Variants in ZNF202 observed in about 807,000 individuals in gnomAD.
ZNF202 encodes the protein zinc finger protein 202, also known as zinc finger protein with KRAB and SCAN domains 10.
Under a neutral mutation model 54.5 loss-of-function variants are expected in ZNF202, and 22 were observed. The observed-to-expected ratio is 0.40, with a 90% CI of 0.29 to 0.58. ZNF202 has a LOEUF of 0.58. Among genes scored for constraint, ZNF202 ranks in the 20% least tolerant of loss-of-function variants. The pLI, the probability that ZNF202 is intolerant of heterozygous loss-of-function variation, is 0.39. For synonymous variants in ZNF202, 294 were observed against 301.4 expected (o/e 0.98, Z 0.26); for missense variants, 644 against 805.5 (o/e 0.80, Z 2.43).
At chr11:123,732,821 A>G (rs1861468563) in intron 3 of ZNF202, among the ~76,000 whole-genome samples, 2 of 152,130 alleles carry the variant, frequency 1.3e-5, no homozygotes, top group South Asian at 4.1e-4. Context: ...TGTTTCCTCC[A>G]TTATGCTTTT....
chr11:123,741,508 T>TCCAGCCCGGCCCGGC (rs1861869837), intron 1 of ZNF202, 41 bp downstream of exon 1: 1 of 151,948 alleles, frequency 6.6e-6, no homozygotes, highest in Non-Finnish European at 1.5e-5. Flanking sequence ...TCCGGCCCGG[T>TCCAGCCCGGCCCGGC]CCAGCCCGGC....
chr11:123,729,666 C>T lies in ZNF202; in HGVS notation c.562G>A (p.Ala188Thr), dbSNP rs201470149. The change falls in exon 5 of 9, where the codon GCA becomes ACA. Residue 188 changes from alanine to threonine, a missense_variant. Physicochemically the swap from Ala to Thr is moderately conservative, Grantham distance 58. Transcript: ENST00000530393. The stretch of plus-strand genomic sequence containing the variant: ...TCTTCCTGGTGTGGACGCTGCTCTG[C>T]CGGTGCCCCCAGATCTGGGCTCTGT... ...TTQSPDLGAP[A>T]EQRPHQEEEL... 5 of 1,611,398 alleles carry T rather than the reference C, an allele frequency of 3.1e-6. No individual in the cohort carries two copies. The highest frequency in any genetic ancestry group is 1.7e-4 in the Middle Eastern group (1 of 6,008).
At chr11:123,728,423 T>C (rs1216250066) in intron 6 of ZNF202, among the ~76,000 whole-genome samples, 161 bp from the exon 7 acceptor site, 1 of 152,068 alleles carries the variant, frequency 6.6e-6, no homozygotes, top group African/African-American at 2.4e-5. Context: ...GTGTCCCCTG[T>C]GGCACTGGCC....
chr11:123,732,093 G>A (rs1007173434), intron 3 of ZNF202, among the ~76,000 whole-genome samples: 1 of 152,150 alleles, frequency 6.6e-6, no homozygotes, highest in Non-Finnish European at 1.5e-5. Flanking sequence ...TACATGGTGT[G>A]TTCTCTTTCT....
At position 123,729,172 on chromosome 11, in the gene ZNF202, C is replaced by T; in HGVS notation, c.656G>A (p.Ser219Asn). 2 of 1,613,952 alleles carry T rather than the reference C, an allele frequency of 1.2e-6. No individual in the cohort carries two copies. Among genetic ancestry groups the T allele is most frequent in the East Asian group, 2.2e-5 (1 of 44,888 alleles). ...AGCAACCATCTCTGAGTCTCCAGAG[C>T]TCCTCTCTGCAGGAAGGTCTGGGTC... ...PEDPDLPAER[S>N]SGDSEMVALL... The change falls in exon 6 of 9, where the codon AGC (serine) becomes AAC (asparagine). Residue 219 changes from serine (S) to asparagine (N), a missense_variant. Coordinates refer to ENST00000530393, the MANE Select transcript of ZNF202 (RefSeq NM_003455.4).
chr11:123,733,811 T>C (rs1051349530), intron 3 of ZNF202, among the ~76,000 whole-genome samples: 1 of 152,238 alleles, frequency 6.6e-6, no homozygotes. Context: ...ATGTTTGGCC[T>C]ACCCAAGGTT....
intron 7 of ZNF202, 27 bp from the exon 8 acceptor site, chr11:123,727,622 T>C (rs746605981): frequency 1.2e-6 from 2 of 1,613,426 alleles, no homozygotes; most frequent in Non-Finnish European, 1.7e-6. Flanking sequence ...AAATAGGATA[T>C]CACGATTGGC....
rs765465878 is a variant in ZNF202, at chr11:123,730,881, G to A, written c.8C>T (p.Thr3Ile). The stretch of plus-strand genomic sequence containing the variant: ...ATCCTGGTCCTCTGGTTCCACGGCT[G>A]TAGCCATTTCTTGGCTTTGGGGTGG... MA[T>I]AVEPEDQDLW... The change falls in exon 4 of 9, where the codon ACA becomes ATA. Residue 3 changes from threonine to isoleucine, a missense_variant. Around this residue, in one of 3 missense-constraint regions of ZNF202, gnomAD observed 46 missense variants for 47.4 expected, o/e 0.97. Transcript: ENST00000530393. The surrounding 1 kb of genome is among the most constrained non-coding windows in gnomAD (Gnocchi z 6.0). 4 of 1,612,356 alleles carry A rather than the reference G, an allele frequency of 2.5e-6. No homozygotes were observed. Among genetic ancestry groups the A allele is most frequent in the African/African-American group, 1.3e-5 (1 of 75,010 alleles).
intron 3 of ZNF202, chr11:123,738,621 A>G (rs1254587051): frequency 6.6e-6 from 1 of 152,278 alleles, no homozygotes; most frequent in African/African-American, 2.4e-5. Context: ...TGCCAATCAG[A>G]TAGTCAGAGG....
intron 1 of ZNF202, among the ~76,000 whole-genome samples, chr11:123,741,066 G>T: frequency 6.6e-6 from 1 of 152,046 alleles, no homozygotes. Flanking sequence ...GGCTGAGGGG[G>T]GCTTGGTGGT....
At chr11:123,731,825 T>C (rs1401169415) in intron 3 of ZNF202, among the ~76,000 whole-genome samples, 1 of 152,222 alleles carries the variant, frequency 6.6e-6, no homozygotes, top group Non-Finnish European at 1.5e-5. Flanking sequence ...GTTCCAACTA[T>C]ATTACTCAGT....
intron 3 of ZNF202, among the ~76,000 whole-genome samples, chr11:123,733,465 T>C (rs1861499583): frequency 6.6e-6 from 1 of 152,218 alleles, no homozygotes; most frequent in Non-Finnish European, 1.5e-5. Context: ...TGTCCATCTT[T>C]TTACTTTGGG....
At chr11:123,728,777 T>C (rs944680682) in intron 6 of ZNF202, among the ~76,000 whole-genome samples, 1 of 151,794 alleles carries the variant, frequency 6.6e-6, no homozygotes, top group Non-Finnish European at 1.5e-5. Context: ...GTCTCAGCAG[T>C]ACAGTCTGTC....
Position 123,732,681 on chromosome 11 carries a change from T to C in ZNF202, c.-97-1696A>G, listed in dbSNP as rs144564683. ...ACATAGCCATCGCTCATCTTTCCTG[T>C]GAAACTCTTTGAGGTCAGAGACTAT... On this transcript the variant is annotated intron_variant, in intron 3 of 8. Transcript: ENST00000530393. 4.5e-3 allele frequency among the ~76,000 whole-genome samples: 680 copies of C among 152,284 alleles called. 3 individuals are homozygous for C. Among genetic ancestry groups the C allele is most frequent in the Non-Finnish European group, 3.6e-3 (248 of 68,032 alleles).
chr11:123,731,045 A>C lies in ZNF202; in HGVS notation c.-97-60T>G, dbSNP rs112610953. Reference sequence around the variant, plus strand: ...GCATGAAACTATACACAAGGACAACAGCCTGAGTTCAATCATAATCCTCTA... The same window carrying C: ...GCATGAAACTATACACAAGGACAACCGCCTGAGTTCAATCATAATCCTCTA... On this transcript the variant is annotated intron_variant, in intron 3 of 8. Coordinates refer to ENST00000530393, the MANE Select transcript of ZNF202 (RefSeq NM_003455.4). The C allele has an allele frequency of 1.5e-3, 1,216 of 791,520 alleles. 17 individuals are homozygous for C. The African/African-American group carries it at 0.018, about 12-fold the overall frequency. 49.0% of individuals were successfully genotyped at this position (791,520 alleles called of 1,614,324 possible). A position where few individuals can be genotyped will look rare whatever the true frequency, so the allele number is the denominator to read the frequency against.
At chr11:123,737,730 G>A (rs944616688) in intron 3 of ZNF202, among the ~76,000 whole-genome samples, 2 of 152,202 alleles carry the variant, frequency 1.3e-5, no homozygotes, top group Non-Finnish European at 2.9e-5. Flanking sequence ...AGGAGGCAAT[G>A]TTAGACAGTA....
rs1276161440 is a variant in ZNF202 at position 123,724,078 on chromosome 11, C to G, written c.*1919G>C. ...TTTGTGGCAGACATTTCACCCAGGA[C>G]AAGCTGTGCTTAGGCTTAGATACTT... On this transcript the variant is annotated 3_prime_UTR_variant, in exon 9 of 9. Coordinates refer to ENST00000530393, the MANE Select transcript of ZNF202 (RefSeq NM_003455.4). 6.6e-6 allele frequency: 1 copy of G among 152,236 alleles called. No homozygotes were observed. The highest frequency in any genetic ancestry group is 2.4e-5 in the African/African-American group (1 of 41,466). 9.4% of individuals were successfully genotyped at this position (152,236 alleles called of 1,614,324 possible).
Position 123,726,277 on chromosome 11 carries a change from C to T in ZNF202, c.1667G>A (p.Arg556Gln), listed in dbSNP as rs373732491. ...FSEHRRYLAHRKTHAAEELYL... is the reference protein window; with the variant it reads ...FSEHRRYLAHQKTHAAEELYL... Reference sequence around the variant, plus strand: ...GAGTTCCTCAGCAGCGTGCGTCTTCCGGTGCGCCAGGTACCGCCTGTGTTC... The same window carrying T: ...GAGTTCCTCAGCAGCGTGCGTCTTCTGGTGCGCCAGGTACCGCCTGTGTTC... Residue 556 changes from arginine (R) to glutamine (Q), a missense_variant, in exon 9 of 9, where the codon CGG (arginine) becomes CAG (glutamine). Arg to Gln is a conservative substitution (Grantham distance 43). Transcript: ENST00000530393. The surrounding 1 kb of genome is among the most constrained non-coding windows in gnomAD (Gnocchi z 6.0). The T allele has an allele frequency of 5.6e-5, 91 of 1,614,082 alleles. 1 individual carries two copies. The highest frequency in any genetic ancestry group is 6.9e-5 in the Non-Finnish European group (82 of 1,180,046).
In ZNF202 at chr11:123,730,820, C is replaced by T. The variant is rs1001386055; in HGVS notation, c.69G>A (p.Leu23=). Residue 23 remains leucine (L), a synonymous_variant, in exon 4 of 9, where the codon CTG becomes CTA. Coordinates refer to ENST00000530393, the MANE Select transcript of ZNF202 (RefSeq NM_003455.4). This position sits in a 1 kb window ranked among gnomAD's most constrained non-coding sequence, Gnocchi z 6.0. ...CTGGCCGACAGGTGAAATCATCTTC[C>T]AGTTTCACCATCAGAATTCCCTCTT... ...WEEEGILMVK[L]EDDFTCRPES... The T allele has an allele frequency of 6.2e-7, 1 of 1,614,080 alleles. No homozygotes were observed. Among genetic ancestry groups the T allele is most frequent in the East Asian group, 2.2e-5 (1 of 44,880 alleles).
Sources: gnomAD v4.1 joint callset for allele counts (sites outside exome capture counted in the v4.1 genomes callset) on GRCh38, gnomAD v4.1.1 for gene constraint, gnomAD v4.1.1 regional missense constraint, Gnocchi (gnomAD v3.1) non-coding constraint, MANE v1.5 for transcripts, NCBI Gene and HGNC (gene_info 2026-07-23, HGNC 2026-07-21) for gene names.